Variants in NFIB observed in about 807,000 individuals in gnomAD.
NFIB encodes nuclear factor 1 B-type.
Under a neutral mutation model 61.5 loss-of-function variants are expected in NFIB, and 11 were observed. That is an observed-to-expected ratio of 0.18 (90% confidence interval 0.11 to 0.30). The LOEUF is 0.30. Among genes scored for constraint, NFIB ranks in the 10% least tolerant of loss-of-function variants. The probability of loss-of-function intolerance (pLI) is 1.00; values close to 1 mark genes in which losing one functional copy is unlikely to be tolerated. For synonymous variants in NFIB, 260 were observed against 216.5 expected, an observed-to-expected ratio of 1.20 and a Z score of -1.76; for missense variants, 471 against 608.9, an observed-to-expected ratio of 0.77 and a Z score of 2.38.
At chr9:14,515,611 T>C in the NFIB span, among the ~76,000 whole-genome samples, 1 of 152,092 alleles carries the variant, frequency 6.6e-6, no homozygotes, top group East Asian at 1.9e-4. Context: ...GAATGTGAGT[T>C]TGTGACAAGT....
the NFIB span, among the ~76,000 whole-genome samples, chr9:14,469,857 A>C: frequency 2.0e-5 from 3 of 152,216 alleles, no homozygotes; most frequent in African/African-American, 7.2e-5. Flanking sequence ...AAATCATATA[A>C]ATGATTACAC....
At chr9:14,398,202 T>C (rs10810137) in intron 1 of NFIB, among the ~76,000 whole-genome samples, 16,227 of 151,996 alleles carry the variant, frequency 0.11, 870 homozygotes, top group Non-Finnish European at 0.12. Context: ...GTTTAATTTC[T>C]CTCTCAACTA....
At chr9:14,442,967 T>TG in the NFIB span, among the ~76,000 whole-genome samples, 1 of 152,056 alleles carries the variant, frequency 6.6e-6, no homozygotes, top group African/African-American at 2.4e-5. Context: ...ACTTGCGACA[T>TG]GGCCAATCCC....
the NFIB span, among the ~76,000 whole-genome samples, chr9:14,420,953 T>C: frequency 1.3e-5 from 2 of 149,258 alleles, no homozygotes; most frequent in East Asian, 3.9e-4. Context: ...GAGTAAGCCA[T>C]TTTTTTTTTC....
At position 14,142,168 on chromosome 9, in the gene NFIB, G is replaced by C. The variant is rs527850700; in HGVS notation, c.925+4521C>G. 3.3e-5 allele frequency among the ~76,000 whole-genome samples: 5 copies of C among 152,216 alleles called. No individual in the cohort carries two copies. In the South Asian group the frequency reaches 1.0e-3, roughly 32 times the overall value. ...TGTGTCCCCACCCAAATCTCATCTT[G>C]AATTGTAACTCCCACAATTCCCACG... On this transcript the variant is annotated intron_variant, in intron 6 of 10. Coordinates refer to ENST00000380953, the MANE Select transcript of NFIB (RefSeq NM_001190737.2).
intron 1 of NFIB, among the ~76,000 whole-genome samples, chr9:14,376,748 C>T (rs2061424554): frequency 6.6e-6 from 1 of 151,984 alleles, no homozygotes; most frequent in Non-Finnish European, 1.5e-5. Flanking sequence ...AAATTCCTGA[C>T]CTCAGGTGAT....
At chr9:14,122,527 TAAAAC>T (rs1474002411) in intron 7 of NFIB, among the ~76,000 whole-genome samples, 2 of 152,222 alleles carry the variant, frequency 1.3e-5, no homozygotes, top group Non-Finnish European at 2.9e-5. Context: ...GCGTATTTCT[TAAAAC>T]AAAACTCTTT....
intron 3 of NFIB, among the ~76,000 whole-genome samples, chr9:14,159,136 A>G (rs1587143671): frequency 6.6e-6 from 1 of 152,306 alleles, no homozygotes; most frequent in East Asian, 1.9e-4. Flanking sequence ...GCTCAAGGCC[A>G]ATTCTACCAG....
At chr9:14,283,785 G>C (rs2058534910) in intron 2 of NFIB, among the ~76,000 whole-genome samples, 1 of 152,234 alleles carries the variant, frequency 6.6e-6, no homozygotes, top group South Asian at 2.1e-4. Context: ...GAGGGACAGA[G>C]GAACAGTGTC....
chr9:14,150,362 G>A, intron 4 of NFIB, 97 bp from the exon 5 acceptor site: 1 of 1,567,272 alleles, frequency 6.4e-7, no homozygotes, highest in Non-Finnish European at 8.6e-7. Context: ...TCTGGTCAAA[G>A]ATAGAGAGAA....
the NFIB span, among the ~76,000 whole-genome samples, chr9:14,495,971 G>A: frequency 2.0e-5 from 3 of 152,142 alleles, no homozygotes; most frequent in African/African-American, 7.2e-5. Context: ...AACTTTCTAA[G>A]TCTTCATCTC....
the NFIB span, among the ~76,000 whole-genome samples, chr9:14,460,970 G>A: frequency 6.6e-6 from 1 of 151,846 alleles, no homozygotes; most frequent in Non-Finnish European, 1.5e-5. Context: ...ATACGTCTCT[G>A]TTTATCTGCA....
At chr9:14,296,749 TCA>T (rs2059468662) in intron 2 of NFIB, among the ~76,000 whole-genome samples, 1 of 152,214 alleles carries the variant, frequency 6.6e-6, no homozygotes, top group Admixed American at 6.5e-5. Flanking sequence ...TGTCTGTAAG[TCA>T]CACAGTTTAT....
chr9:14,129,774 A>C (rs1334684261), intron 6 of NFIB, among the ~76,000 whole-genome samples: 2 of 152,204 alleles, frequency 1.3e-5, no homozygotes, highest in Non-Finnish European at 2.9e-5. Flanking sequence ...AATAAGTTGA[A>C]TAATAATAAA....
chr9:14,340,169 T>C (rs957037959), intron 1 of NFIB, among the ~76,000 whole-genome samples: 2 of 152,210 alleles, frequency 1.3e-5, no homozygotes, highest in Non-Finnish European at 2.9e-5. Flanking sequence ...ATCTTGCTTC[T>C]AGAGGTTCTG....
chr9:14,503,721 T>G, the NFIB span, among the ~76,000 whole-genome samples: 1 of 152,228 alleles, frequency 6.6e-6, no homozygotes, highest in Non-Finnish European at 1.5e-5. Context: ...TTCTGGATAT[T>G]AGTTATTTGT....
chr9:14,117,699 T>C (rs985225795), intron 8 of NFIB, among the ~76,000 whole-genome samples: 2 of 152,176 alleles, frequency 1.3e-5, no homozygotes, highest in Non-Finnish European at 2.9e-5. Context: ...TTATTCATCA[T>C]GGGTAATTTT....
intron 2 of NFIB, among the ~76,000 whole-genome samples, chr9:14,222,835 C>T (rs949734546): frequency 7.5e-5 from 11 of 146,738 alleles, no homozygotes; most frequent in African/African-American, 2.5e-4. Flanking sequence ...AAAAGAAATC[C>T]GTATTCCTTG....
chr9:14,298,328 A>G (rs1380995649), intron 2 of NFIB, among the ~76,000 whole-genome samples: 1 of 152,196 alleles, frequency 6.6e-6, no homozygotes, highest in Non-Finnish European at 1.5e-5. Context: ...TTTACCTCAT[A>G]TTATGACAAT....
Sources: allele counts gnomAD v4.1 joint callset (sites outside exome capture counted in the v4.1 genomes callset), GRCh38; gene constraint gnomAD v4.1.1; transcripts MANE v1.5; gene names NCBI Gene and HGNC (gene_info 2026-07-23, HGNC 2026-07-21).